STX18: variants seen among roughly 807,000 people sequenced by gnomAD.
STX18 encodes syntaxin 18.
In STX18, 40 loss-of-function variants were observed where a neutral mutation model predicts 50.1. The ratio of observed to expected loss-of-function variants is 0.80; its 90% CI spans 0.62 to 1.04. The LOEUF (loss-of-function observed/expected upper bound fraction) is 1.04, where lower values mean the gene tolerates loss of function less well. STX18 is among the 50% of genes least tolerant of loss of function. The probability of loss-of-function intolerance (pLI) is 0.00; values close to 1 mark genes in which losing one functional copy is unlikely to be tolerated. For missense variants in STX18, 410 were observed against 415.8 expected (o/e 0.99, Z 0.12); for synonymous variants, 158 against 151.8 (o/e 1.04, Z -0.30).
At chr4:4,423,410 C>G in intron 9 of STX18, 108 bp downstream of exon 9, 1 of 1,056,806 alleles carries the variant, frequency 9.5e-7, no homozygotes, top group Non-Finnish European at 1.4e-6. Context: ...ACACATGGCT[C>G]TGCTCCTGGC....
chr4:4,516,856 A>C (rs1056122171), intron 1 of STX18, among the ~76,000 whole-genome samples: 3 of 152,232 alleles, frequency 2.0e-5, no homozygotes, highest in African/African-American at 4.8e-5. Flanking sequence ...AACATATTAT[A>C]AATTCATAGT....
At chr4:4,474,502 G>A (rs1480792394) in intron 1 of STX18, among the ~76,000 whole-genome samples, 1 of 152,180 alleles carries the variant, frequency 6.6e-6, no homozygotes, top group Non-Finnish European at 1.5e-5. Context: ...CTAATCGCCA[G>A]AACCTGTGAC....
At chr4:4,532,839 G>C (rs1276901377) in intron 1 of STX18, among the ~76,000 whole-genome samples, 2 of 152,020 alleles carry the variant, frequency 1.3e-5, no homozygotes, top group Non-Finnish European at 2.9e-5. Flanking sequence ...CACTGCTGGA[G>C]AAAATGTCCA....
At chr4:4,540,806 A>T (rs1731551280) in intron 1 of STX18, among the ~76,000 whole-genome samples, 1 of 152,222 alleles carries the variant, frequency 6.6e-6, no homozygotes, top group Non-Finnish European at 1.5e-5. Context: ...ATGCATGACT[A>T]CATTCATTCA....
intron 5 of STX18, among the ~76,000 whole-genome samples, chr4:4,443,928 A>G (rs1413450747): frequency 6.6e-6 from 1 of 152,248 alleles, no homozygotes; most frequent in Non-Finnish European, 1.5e-5. Context: ...AATTCTGCAC[A>G]TTCCAAGGAA....
rs34300930 is a variant in STX18 at position 4,447,592 on chromosome 4, C to CAAAAAAA, written c.498-9090_498-9084dup. 1.2e-3 allele frequency among the ~76,000 whole-genome samples: 57 copies of CAAAAAAA among 45,906 alleles called. 4 individuals are homozygous for CAAAAAAA. The highest frequency in any genetic ancestry group is 3.5e-3 in the East Asian group (3 of 854). The allele number at this position is 45,906 out of a possible 152,430, so 30.1% of individuals were successfully genotyped here. ...GGCGACAGAGCGAGACTCCGTCTCA[C>CAAAAAAA]AAAAAAAAAAAAAAAAAAAAAAAAA... On this transcript the variant is annotated intron_variant, in intron 5 of 10. Coordinates refer to ENST00000306200, the MANE Select transcript of STX18 (RefSeq NM_016930.4).
At chr4:4,498,754 G>A (rs1184243184) in intron 1 of STX18, among the ~76,000 whole-genome samples, 1 of 152,132 alleles carries the variant, frequency 6.6e-6, no homozygotes, top group Non-Finnish European at 1.5e-5. Context: ...TAGCAAAGCA[G>A]TTTAAGTTTT....
intron 6 of STX18, among the ~76,000 whole-genome samples, chr4:4,436,673 C>T (rs1725794187): frequency 6.6e-6 from 1 of 152,212 alleles, no homozygotes; most frequent in South Asian, 2.1e-4. Context: ...GCACAGCACC[C>T]ACCATGCCAG....
chr4:4,490,756 C>G (rs111961400), intron 1 of STX18, among the ~76,000 whole-genome samples: 272 of 152,266 alleles, frequency 1.8e-3, no homozygotes, highest in African/African-American at 6.4e-3. Context: ...TTTTAAATTA[C>G]AGCCAAAGTC....
At chr4:4,493,515 AT>A (rs1393645506) in intron 1 of STX18, among the ~76,000 whole-genome samples, 3 of 152,166 alleles carry the variant, frequency 2.0e-5, no homozygotes, top group Admixed American at 2.0e-4. Context: ...ATTAAAAAAA[AT>A]TGTTTTTGTT....
intron 1 of STX18, among the ~76,000 whole-genome samples, chr4:4,533,235 T>G (rs973397215): frequency 6.6e-6 from 1 of 152,202 alleles, no homozygotes; most frequent in Admixed American, 6.5e-5. Context: ...CAATATTAAA[T>G]GTAATACGCT....
At chr4:4,498,234 T>G (rs184030837) in intron 1 of STX18, among the ~76,000 whole-genome samples, 22 of 150,138 alleles carry the variant, frequency 1.5e-4, no homozygotes, top group African/African-American at 4.9e-4. Context: ...TCTTTTTAGA[T>G]TTTTTTTTTC....
At chr4:4,532,836 G>A (rs571037874) in intron 1 of STX18, among the ~76,000 whole-genome samples, 9 of 152,174 alleles carry the variant, frequency 5.9e-5, no homozygotes, top group African/African-American at 2.2e-4. Flanking sequence ...ATTCACTGCT[G>A]GAGAAAATGT....
intron 7 of STX18, among the ~76,000 whole-genome samples, chr4:4,429,686 G>A (rs1275581963): frequency 3.3e-5 from 5 of 152,120 alleles, no homozygotes; most frequent in South Asian, 2.1e-4. Flanking sequence ...GGACTCTGCC[G>A]TATCCTTCTG....
intron 2 of STX18, chr4:4,461,887 T>A (rs1414540338): frequency 2.2e-6 from 1 of 456,218 alleles, no homozygotes. Flanking sequence ...CACACCTTTC[T>A]CTCCTCTCTT....
At chr4:4,490,228 T>C (rs1225419984) in intron 1 of STX18, among the ~76,000 whole-genome samples, 1 of 152,196 alleles carries the variant, frequency 6.6e-6, no homozygotes, top group African/African-American at 2.4e-5. Flanking sequence ...TCTACAGCAT[T>C]AGTCAGCATT....
chr4:4,519,198 G>C (rs1218820868), intron 1 of STX18, among the ~76,000 whole-genome samples: 2 of 152,146 alleles, frequency 1.3e-5, no homozygotes. Flanking sequence ...AATCTTGACA[G>C]TTTACTCAAT....
At chr4:4,511,882 T>G (rs2108893615) in intron 1 of STX18, among the ~76,000 whole-genome samples, 1 of 152,104 alleles carries the variant, frequency 6.6e-6, no homozygotes, top group East Asian at 1.9e-4. Context: ...AAGTTCAGGT[T>G]TTATCAACCT....
intron 1 of STX18, among the ~76,000 whole-genome samples, chr4:4,527,603 TC>T (rs1183746106): frequency 2.6e-5 from 4 of 151,912 alleles, no homozygotes; most frequent in East Asian, 3.9e-4. Flanking sequence ...GGTTACAGAT[TC>T]CATTTCAGTT....
Sources: allele counts gnomAD v4.1 joint callset (sites outside exome capture counted in the v4.1 genomes callset), GRCh38; gene constraint gnomAD v4.1.1; transcripts MANE v1.5; gene names NCBI Gene and HGNC (gene_info 2026-07-23, HGNC 2026-07-21).